The following PIK3C2G variants were observed in gnomAD, a reference collection of about 807,000 sequenced individuals.
PIK3C2G encodes phosphatidylinositol-4-phosphate 3-kinase catalytic subunit type 2 gamma.
In PIK3C2G, 168 loss-of-function variants were observed where a neutral mutation model predicts 181.1. The ratio of observed to expected loss-of-function variants is 0.93; its 90% confidence interval spans 0.82 to 1.05. PIK3C2G has a LOEUF of 1.05. Among genes scored for constraint, PIK3C2G ranks in the 50% least tolerant of loss-of-function variants. The pLI is 0.00. For synonymous variants in PIK3C2G, 573 were observed against 592.2 expected, an observed-to-expected ratio of 0.97 and a Z score of 0.47; for missense variants, 1,869 against 1,732.8, an observed-to-expected ratio of 1.08 and a Z score of -1.40.
intron 22 of PIK3C2G, among the ~76,000 whole-genome samples, chr12:18,497,981 G>A (rs1468320990): frequency 1.3e-5 from 2 of 152,060 alleles, no homozygotes; most frequent in African/African-American, 2.4e-5. Flanking sequence ...CATTACAAAT[G>A]TTAACTGTGA....
the PIK3C2G span, chr12:18,696,348 A>ATATATATATC: frequency 3.7e-5 from 8 of 214,288 alleles, no homozygotes; most frequent in Admixed American, 1.4e-4. Context: ...ATATATATAT[A>ATATATATATC]TATCATATAA....
chr12:18,342,767 T>C (rs1243083732), intron 9 of PIK3C2G, among the ~76,000 whole-genome samples: 1 of 151,774 alleles, frequency 6.6e-6, no homozygotes, highest in African/African-American at 2.4e-5. Flanking sequence ...ATAATGAAAA[T>C]GAAAACCAAA....
chr12:18,723,231 T>A, the PIK3C2G span: 1 of 1,251,748 alleles, frequency 8.0e-7, no homozygotes, highest in African/African-American at 1.5e-5. Context: ...TAAAAATACT[T>A]TGCTTTGAAA....
chr12:18,505,195 T>G, intron 23 of PIK3C2G, 97 bp from the exon 24 acceptor site: 1 of 1,053,170 alleles, frequency 9.5e-7, no homozygotes, highest in Non-Finnish European at 1.4e-6. Flanking sequence ...GATTATGTAA[T>G]TTTGCTTATC....
intron 5 of PIK3C2G, among the ~76,000 whole-genome samples, chr12:18,311,299 G>A (rs1950625195): frequency 6.6e-6 from 1 of 151,774 alleles, no homozygotes; most frequent in African/African-American, 2.4e-5. Flanking sequence ...GGCAGATGTA[G>A]CAAATAAAAA....
chr12:18,488,387 C>A, intron 18 of PIK3C2G, 62 bp from the exon 19 acceptor site: 3 of 1,154,146 alleles, frequency 2.6e-6, no homozygotes, highest in Non-Finnish European at 3.5e-6. Flanking sequence ...ACTGTTCCGG[C>A]TGGATGTGGT....
chr12:18,286,713 A>G (rs1194231493), intron 2 of PIK3C2G, 134 bp from the exon 3 acceptor site: 2 of 556,568 alleles, frequency 3.6e-6, no homozygotes, highest in Non-Finnish European at 6.3e-6. Context: ...TGTAAATATT[A>G]CTTCAATTTT....
At chr12:18,559,799 TATATATATATATATATATATATAG>T (rs1277478568) in intron 26 of PIK3C2G, among the ~76,000 whole-genome samples, 565 of 55,360 alleles carry the variant, frequency 0.01, 1 homozygote, top group Non-Finnish European at 0.014. Flanking sequence ...TATATATATA[TATATATATATATATATATATATAG>T]AGAGAGAGAG....
intron 9 of PIK3C2G, among the ~76,000 whole-genome samples, chr12:18,342,164 A>G (rs2137627775): frequency 6.6e-6 from 1 of 152,124 alleles, no homozygotes; most frequent in East Asian, 1.9e-4. Flanking sequence ...TTTTAGTTAA[A>G]TCAGTCTAAC....
intron 31 of PIK3C2G, among the ~76,000 whole-genome samples, chr12:18,631,389 A>G (rs1443860907): frequency 2.0e-5 from 3 of 152,232 alleles, no homozygotes; most frequent in Non-Finnish European, 4.4e-5. Context: ...CGTCAAAGAC[A>G]CTAATAACTT....
At chr12:18,484,023 C>T (rs991777777) in intron 18 of PIK3C2G, among the ~76,000 whole-genome samples, 6 of 152,136 alleles carry the variant, frequency 3.9e-5, no homozygotes, top group Admixed American at 1.3e-4. Context: ...TAAACCAAAC[C>T]GGAGGCCAAA....
At chr12:18,650,722 A>C (rs76797997), downstream of PIK3C2G, among the ~76,000 whole-genome samples, 133 of 16,564 alleles carry the variant, frequency 8.0e-3, no homozygotes, top group East Asian at 0.036. Flanking sequence ...CTATATATAT[A>C]TATATATATA....
intron 1 of PIK3C2G, among the ~76,000 whole-genome samples, chr12:18,265,054 CTTGA>C (rs1948424070): frequency 6.6e-6 from 1 of 152,152 alleles, no homozygotes; most frequent in Non-Finnish European, 1.5e-5. Context: ...TAAGCATCAG[CTTGA>C]TTATTTCATG....
intron 18 of PIK3C2G, among the ~76,000 whole-genome samples, chr12:18,483,982 C>A (rs1190409390): frequency 1.3e-5 from 2 of 152,158 alleles, no homozygotes; most frequent in African/African-American, 4.8e-5. Flanking sequence ...CTGGGACATG[C>A]TGTTCTCCAG....
intron 32 of PIK3C2G, among the ~76,000 whole-genome samples, chr12:18,641,995 C>T (rs1026424569): frequency 7.2e-5 from 11 of 152,116 alleles, no homozygotes; most frequent in Admixed American, 2.0e-4. Context: ...GGTGATCCAC[C>T]GCCTCAGCCT....
intron 21 of PIK3C2G, 103 bp from the exon 22 acceptor site, chr12:18,497,516 C>A (rs1941111839): frequency 1.2e-6 from 1 of 841,148 alleles, no homozygotes; most frequent in Non-Finnish European, 1.8e-6. Context: ...CTAAGTCAGG[C>A]TAGAAATGTA....
At chr12:18,671,595 C>A in the PIK3C2G span, among the ~76,000 whole-genome samples, 1 of 151,952 alleles carries the variant, frequency 6.6e-6, no homozygotes, top group African/African-American at 2.4e-5. Flanking sequence ...GTGTACTAGG[C>A]ACATCACAAG....
At chr12:18,248,009 T>C (rs2136939316) in exon 1 of PIK3C2G, 1 of 152,258 alleles carries the variant, frequency 6.6e-6, no homozygotes, top group South Asian at 2.1e-4. Flanking sequence ...CTACCTGGAT[T>C]GTAAACCAAG....
Position 18,371,193 on chromosome 12 carries a change from C to T in PIK3C2G, c.1762C>T (p.Leu588Phe). 11 of 1,607,970 alleles carry T rather than the reference C, an allele frequency of 6.8e-6. No homozygotes were observed. Among genetic ancestry groups the T allele is most frequent in the Non-Finnish European group, 9.3e-6 (11 of 1,176,702 alleles). The change falls in exon 13 of 33, where the codon CTT becomes TTT. Residue 588 changes from leucine (L) to phenylalanine (F), a missense_variant. By Grantham distance (22) the Leu-to-Phe change is conservative (BLOSUM62 0). Transcript: ENST00000538779. The stretch of plus-strand genomic sequence containing the variant: ...TTTTATTCTCAGGATCAATTTTCCC[C>T]TTGAAATAAAGTCACTTCCAAGGGA... ...VNWNETINFP[L>F]EIKSLPRESM...
Sources: gnomAD v4.1 joint callset for allele counts (sites outside exome capture counted in the v4.1 genomes callset) on GRCh38, gnomAD v4.1.1 for gene constraint, MANE v1.5 for transcripts, NCBI Gene and HGNC (gene_info 2026-07-23, HGNC 2026-07-21) for gene names.